NHERF4: variants seen among roughly 807,000 people sequenced by gnomAD.
NHERF4 encodes the protein NHERF family PDZ scaffold protein 4.
chr11:119,188,692 C>T, the NHERF4 span: 3 of 1,614,074 alleles, frequency 1.9e-6, no homozygotes, highest in African/African-American at 2.7e-5. Context: ...CCCGCCTCGC[C>T]CCGGGGCAGC....
At chr11:119,187,503 C>T in the NHERF4 span, 1 of 1,613,062 alleles carries the variant, frequency 6.2e-7, no homozygotes, top group Non-Finnish European at 8.5e-7. Flanking sequence ...TGAGGGATCT[C>T]AGCCCCTGTT....
At chr11:119,187,539 C>A in the NHERF4 span, 2 of 1,607,426 alleles carry the variant, frequency 1.2e-6, no homozygotes, top group African/African-American at 1.3e-5. Flanking sequence ...ACAGACTGGA[C>A]CTTGCTTTTT....
chr11:119,185,839 G>C, the NHERF4 span: 1 of 1,584,692 alleles, frequency 6.3e-7, no homozygotes, highest in African/African-American at 1.3e-5. Context: ...GTTTCCCTGA[G>C]TCCTTTTAGT....
chr11:119,187,598 T>C, the NHERF4 span: 1 of 1,586,116 alleles, frequency 6.3e-7, no homozygotes, highest in Non-Finnish European at 8.6e-7. Context: ...TGCTAAGTAC[T>C]GGAGGAGCAG....
the NHERF4 span, chr11:119,189,395 C>CG: frequency 1.9e-6 from 3 of 1,575,732 alleles, no homozygotes; most frequent in South Asian, 3.3e-5. This position sits in a 1 kb window ranked among gnomAD's most constrained non-coding sequence, Gnocchi z 5.8. Flanking sequence ...CAGTGCAGGG[C>CG]GGGGCAAGAA....
chr11:119,189,060 T>G, the NHERF4 span: 3 of 1,614,052 alleles, frequency 1.9e-6, no homozygotes, highest in African/African-American at 2.7e-5. The surrounding 1 kb of genome is among the most constrained non-coding windows in gnomAD (Gnocchi z 5.8). Context: ...GACGTGATTC[T>G]GGAAGTGAAC....
At chr11:119,190,178 G>A in the NHERF4 span, 1 of 1,027,316 alleles carries the variant, frequency 9.7e-7, no homozygotes, top group Non-Finnish European at 1.4e-6. The surrounding 1 kb of genome is among the most constrained non-coding windows in gnomAD (Gnocchi z 4.2). Context: ...AACAAAAAAA[G>A]AAGAAAACTA....
At chr11:119,190,201 A>G in the NHERF4 span, 1 of 1,192,074 alleles carries the variant, frequency 8.4e-7, no homozygotes, top group Non-Finnish European at 1.2e-6. This position sits in a 1 kb window ranked among gnomAD's most constrained non-coding sequence, Gnocchi z 4.2. Flanking sequence ...TAAAAATAAA[A>G]ATAAAAATAA....
chr11:119,185,873 C>G, the NHERF4 span: 1 of 1,611,528 alleles, frequency 6.2e-7, no homozygotes, highest in Non-Finnish European at 8.5e-7. Context: ...AGAGGCACAT[C>G]TGGGGAGAAG....
At chr11:119,187,212 T>C in the NHERF4 span, 1 of 1,345,850 alleles carries the variant, frequency 7.4e-7, no homozygotes, top group Non-Finnish European at 9.8e-7. Flanking sequence ...TCCAGGGAGG[T>C]CCTGGGGGTT....
At chr11:119,187,268 A>G in the NHERF4 span, 1 of 1,592,130 alleles carries the variant, frequency 6.3e-7, no homozygotes, top group Non-Finnish European at 8.6e-7. Context: ...CCCTCTGTCC[A>G]GGTGGTACGC....
chr11:119,186,157 A>C, the NHERF4 span: 87 of 1,613,812 alleles, frequency 5.4e-5, no homozygotes, highest in Non-Finnish European at 6.8e-5. This position sits in a 1 kb window ranked among gnomAD's most constrained non-coding sequence, Gnocchi z 4.4. Context: ...GAAGACCACG[A>C]CCCCTATGGT....
chr11:119,187,731 C>G, the NHERF4 span: 2 of 1,477,120 alleles, frequency 1.4e-6, no homozygotes, highest in Non-Finnish European at 9.0e-7. Flanking sequence ...CTCTCCTCCC[C>G]CAATCCGGGC....
At chr11:119,188,301 T>C in the NHERF4 span, 9 of 1,606,840 alleles carry the variant, frequency 5.6e-6, no homozygotes, top group African/African-American at 1.1e-4. Flanking sequence ...CCCTGGTGTG[T>C]ACACAGTGGC....
the NHERF4 span, chr11:119,186,628 C>CA: frequency 6.2e-7 from 1 of 1,613,300 alleles, no homozygotes; most frequent in Non-Finnish European, 8.5e-7. The surrounding 1 kb of genome is among the most constrained non-coding windows in gnomAD (Gnocchi z 4.4). Context: ...CCAGGGTCTT[C>CA]AGGAAGGAGA....
the NHERF4 span, chr11:119,185,814 G>A: frequency 6.3e-6 from 9 of 1,424,948 alleles, no homozygotes; most frequent in Non-Finnish European, 8.9e-6. Flanking sequence ...GAGGGGGCAT[G>A]CCCTGAGTTT....
chr11:119,187,064 T>C, the NHERF4 span, among the ~76,000 whole-genome samples: 3 of 139,644 alleles, frequency 2.1e-5, no homozygotes, highest in Non-Finnish European at 4.5e-5. Flanking sequence ...CACTTGAACA[T>C]GGGAGGCGGA....
the NHERF4 span, chr11:119,185,941 C>T: frequency 6.2e-7 from 1 of 1,614,030 alleles, no homozygotes; most frequent in Non-Finnish European, 8.5e-7. Flanking sequence ...AGGACACAGC[C>T]TCGTTAACTC....
chr11:119,189,091 G>C, the NHERF4 span: 1 of 1,614,136 alleles, frequency 6.2e-7, no homozygotes, highest in South Asian at 1.1e-5. The surrounding 1 kb of genome is among the most constrained non-coding windows in gnomAD (Gnocchi z 5.8). Flanking sequence ...TTGGGGGACA[G>C]AATGACCTGG....
Sources: gnomAD v4.1 joint callset for allele counts (sites outside exome capture counted in the v4.1 genomes callset) on GRCh38, gnomAD v4.1.1 for gene constraint, Gnocchi (gnomAD v3.1) non-coding constraint, MANE v1.5 for transcripts, NCBI Gene and HGNC (gene_info 2026-07-23, HGNC 2026-07-21) for gene names.